Variants in GCA observed in about 807,000 individuals in gnomAD.
GCA encodes the protein grancalcin.
Under a neutral mutation model 32.6 loss-of-function variants are expected in GCA, and 30 were observed. That is an observed-to-expected ratio of 0.92 (90% CI 0.69 to 1.25). The LOEUF (loss-of-function observed/expected upper bound fraction) is 1.25, where lower values mean the gene tolerates loss of function less well. Ranked by LOEUF, GCA falls within the 50% of genes most tolerant of loss-of-function variation. GCA has a pLI of 0.00. For synonymous variants in GCA, 102 were observed against 84.6 expected, an observed-to-expected ratio of 1.21 and a Z score of -1.13; for missense variants, 291 against 266.8, an observed-to-expected ratio of 1.09 and a Z score of -0.63.
chr2:162,337,723 GT>G (rs1245275374), intron 1 of GCA, among the ~76,000 whole-genome samples: 6 of 152,114 alleles, frequency 3.9e-5, no homozygotes, highest in Admixed American at 3.9e-4. Flanking sequence ...AGAGTACTAA[GT>G]TTTTTTCTCT....
At chr2:162,342,737 G>C (rs1461326884), upstream of GCA, among the ~76,000 whole-genome samples, 1 of 152,202 alleles carries the variant, frequency 6.6e-6, no homozygotes, top group Non-Finnish European at 1.5e-5. Context: ...CACAGAATCA[G>C]ACTAACATTG....
At chr2:162,326,844 T>A (rs1433600996) in intron 1 of GCA, among the ~76,000 whole-genome samples, 1 of 152,096 alleles carries the variant, frequency 6.6e-6, no homozygotes, top group African/African-American at 2.4e-5. Context: ...CACAAAAAAC[T>A]CAGGGTATGA....
downstream of GCA, among the ~76,000 whole-genome samples, chr2:162,364,890 A>G (rs1367695789): frequency 6.6e-6 from 1 of 151,596 alleles, no homozygotes; most frequent in Non-Finnish European, 1.5e-5. Context: ...GTAAACAATA[A>G]ATGTTTTAGT....
At chr2:162,334,719 T>C (rs1228058394) in intron 1 of GCA, among the ~76,000 whole-genome samples, 1 of 152,220 alleles carries the variant, frequency 6.6e-6, no homozygotes, top group Non-Finnish European at 1.5e-5. Flanking sequence ...ACAGGCAACA[T>C]GTCTTCATTA....
Position 162,361,941 on chromosome 2 carries a change from A to G in GCA, c.*1698A>G. 1.0e-6 allele frequency: 1 copy of G among 984,152 alleles called. No homozygotes were observed. Among genetic ancestry groups the G allele is most frequent in the Non-Finnish European group, 1.2e-6 (1 of 828,962 alleles). The allele number at this position is 984,152 out of a possible 1,614,324, so 61.0% of individuals were successfully genotyped here. A position where few individuals can be genotyped will look rare whatever the true frequency, so the allele number is the denominator to read the frequency against. ...TTACTGAACTATTCTGCGGTCGATT[A>G]TGATTATCTCTCTTACTTGGAGGCT... On this transcript the variant is annotated 3_prime_UTR_variant, in exon 8 of 8. Transcript: ENST00000437150.
chr2:162,328,085 G>A (rs563381641), intron 1 of GCA, among the ~76,000 whole-genome samples: 2 of 152,240 alleles, frequency 1.3e-5, no homozygotes, highest in Non-Finnish European at 2.9e-5. Context: ...GGCCGGAGCT[G>A]TCTCCCTCAG....
chr2:162,341,401 G>A (rs1684446195), upstream of GCA, among the ~76,000 whole-genome samples: 1 of 151,000 alleles, frequency 6.6e-6, no homozygotes, highest in African/African-American at 2.4e-5. Context: ...AAGAGAAAAT[G>A]AGGTGGCAAC....
intron 1 of GCA, among the ~76,000 whole-genome samples, chr2:162,325,238 G>A (rs886289872): frequency 6.6e-6 from 1 of 152,148 alleles, no homozygotes; most frequent in Non-Finnish European, 1.5e-5. Flanking sequence ...TGCACCCTGG[G>A]AATTCTGGGG....
intron 1 of GCA, among the ~76,000 whole-genome samples, chr2:162,346,835 A>G (rs1291322218): frequency 1.3e-5 from 2 of 152,212 alleles, no homozygotes; most frequent in Non-Finnish European, 2.9e-5. Flanking sequence ...ATGTTTTTGA[A>G]TCTTTACTAT....
At chr2:162,370,889 A>T (rs1197941101) in intron 4 of GCA, among the ~76,000 whole-genome samples, 1 of 152,022 alleles carries the variant, frequency 6.6e-6, no homozygotes, top group Non-Finnish European at 1.5e-5. Context: ...TCAGTCTCTC[A>T]AGTAGCTGGG....
downstream of GCA, among the ~76,000 whole-genome samples, chr2:162,368,009 T>C (rs935835967): frequency 1.3e-5 from 2 of 151,976 alleles, no homozygotes; most frequent in South Asian, 2.1e-4. Context: ...CTCTTCTACA[T>C]TAGTAATTCT....
chr2:162,319,874 A>G (rs928871555), intron 1 of GCA, among the ~76,000 whole-genome samples: 3 of 152,234 alleles, frequency 2.0e-5, no homozygotes, highest in African/African-American at 7.2e-5. Flanking sequence ...AAAACCTGAT[A>G]GTGCTTTGAA....
At chr2:162,358,980 A>G (rs1209242706) in intron 5 of GCA, 64 bp from the exon 6 acceptor site, 1 of 725,234 alleles carries the variant, frequency 1.4e-6, no homozygotes, top group Non-Finnish European at 2.3e-6. Context: ...ACTTAATGAG[A>G]AAGCAATCTT....
Position 162,347,580 on chromosome 2 carries a change from T to G in GCA, c.30T>G (p.Phe10Leu). MAYPGYGGG[F>L]GNFSIQVPGM... is the part of the protein sequence containing the mutation. ...CTTCTCCCCTTTCACTATTATAGTTTGGAAATTTTAGCATTCAGGTGCCAG... is the reference window on the plus strand; with the variant it reads ...CTTCTCCCCTTTCACTATTATAGTTGGGAAATTTTAGCATTCAGGTGCCAG... Residue 10 changes from phenylalanine (F) to leucine (L), a missense_variant and splice_region_variant, in exon 2 of 8, where the codon TTT (phenylalanine) becomes TTG (leucine). Coordinates refer to ENST00000437150, the MANE Select transcript of GCA (RefSeq NM_012198.5). 6.2e-7 allele frequency: 1 copy of G among 1,600,620 alleles called. No homozygotes were observed. Among genetic ancestry groups the G allele is most frequent in the South Asian group, 1.1e-5 (1 of 89,786 alleles).
chr2:162,357,332 T>G (rs768314914), intron 5 of GCA, among the ~76,000 whole-genome samples: 1 of 151,728 alleles, frequency 6.6e-6, no homozygotes, highest in Non-Finnish European at 1.5e-5. Flanking sequence ...ACATAGCAGG[T>G]GCCAAAATAC....
At position 162,360,335 on chromosome 2, in the gene GCA, A is replaced by T; in HGVS notation, c.*92A>T. On this transcript the variant is annotated 3_prime_UTR_variant, in exon 8 of 8. Coordinates refer to ENST00000437150, the MANE Select transcript of GCA (RefSeq NM_012198.5). ...ACTTTAAAACTTTTAAGGGTTTTCT[A>T]TGTTCTTCCTACCTGTTAAACCTCT... 6.6e-7 allele frequency: 1 copy of T among 1,517,156 alleles called. No individual in the cohort carries two copies. Among genetic ancestry groups the T allele is most frequent in the African/African-American group, 1.4e-5 (1 of 69,514 alleles). 94.0% of individuals were successfully genotyped at this position (1,517,156 alleles called of 1,614,324 possible). A position where few individuals can be genotyped will look rare whatever the true frequency, so the allele number is the denominator to read the frequency against.
chr2:162,356,659 T>A, intron 4 of GCA, 99 bp from the exon 5 acceptor site: 1 of 935,864 alleles, frequency 1.1e-6, no homozygotes, highest in Non-Finnish European at 1.7e-6. Flanking sequence ...ATATAATGAG[T>A]TTGGCTAAGT....
chr2:162,322,401 ATTTATTTATTTAT>A lies in GCA; in HGVS notation c.-31+3179_-31+3191del, dbSNP rs1227661994. Among the ~76,000 whole-genome samples the A allele has an allele frequency of 5.6e-5, 8 of 143,058 alleles. No homozygotes were observed. The East Asian group carries it at 6.0e-4, about 11-fold the overall frequency. 93.9% of individuals were successfully genotyped at this position (143,058 alleles called of 152,430 possible). A position where few individuals can be genotyped will look rare whatever the true frequency, so the allele number is the denominator to read the frequency against. On this transcript the variant is annotated intron_variant, in intron 1 of 4. Transcript: ENST00000429691. The stretch of plus-strand genomic sequence containing the variant: ...TTTATTTTACTTTATTTATTTATTT[ATTTATTTATTTAT>A]TTATTATTATACTTTAAGTTTTAGG...
chr2:162,341,212 T>C (rs1457873004), upstream of GCA, among the ~76,000 whole-genome samples: 1 of 148,958 alleles, frequency 6.7e-6, no homozygotes, highest in Non-Finnish European at 1.5e-5. Context: ...TTCTTAGTGA[T>C]ATAAAATAAA....
Sources: gnomAD v4.1 joint callset for allele counts (sites outside exome capture counted in the v4.1 genomes callset) on GRCh38, gnomAD v4.1.1 for gene constraint, MANE v1.5 for transcripts, NCBI Gene and HGNC (gene_info 2026-07-23, HGNC 2026-07-21) for gene names.